L3MBTL4: variants seen among roughly 807,000 people sequenced by gnomAD.
L3MBTL4 encodes the protein lethal(3)malignant brain tumor-like protein 4.
L3MBTL4 carries 70 observed loss-of-function variants against 84.5 expected under a neutral mutation model. The ratio of observed to expected loss-of-function variants is 0.83; its 90% CI spans 0.68 to 1.01. The LOEUF (loss-of-function observed/expected upper bound fraction) is 1.01. Among genes scored for constraint, L3MBTL4 ranks in the 50% least tolerant of loss-of-function variants. The probability of loss-of-function intolerance (pLI) is 0.00; values close to 1 mark genes in which losing one functional copy is unlikely to be tolerated. For synonymous variants in L3MBTL4, 274 were observed against 259.8 expected (o/e 1.05, Z -0.52); for missense variants, 715 against 754.8 (o/e 0.95, Z 0.62).
rs1211458615 is a variant in L3MBTL4 at position 6,163,302 on chromosome 18, TGTGTGGGTGG to T, written c.1096+8516_1096+8525del. On this transcript the variant is annotated intron_variant, in intron 13 of 18. Transcript: ENST00000317931. The stretch of plus-strand genomic sequence containing the variant: ...GTGTGTGTGTGTGTGTGTGTGTGTG[TGTGTGGGTGG>T]GTGTGTATTTTTGCTTTCACAATAG... 7.1e-4 allele frequency among the ~76,000 whole-genome samples: 84 copies of T among 118,770 alleles called. 2 individuals are homozygous for T. The highest frequency in any genetic ancestry group is 2.8e-3 in the Admixed American group (31 of 11,220). The allele number at this position is 118,770 out of a possible 152,430, so 77.9% of individuals were successfully genotyped here.
chr18:6,139,937 T>C (rs1031849771), intron 13 of L3MBTL4, among the ~76,000 whole-genome samples: 5 of 152,172 alleles, frequency 3.3e-5, no homozygotes, highest in African/African-American at 9.7e-5. Context: ...TGTTCTGCTC[T>C]GTCCCAACTC....
chr18:6,322,075 G>A (rs2051432947), intron 1 of L3MBTL4, among the ~76,000 whole-genome samples: 1 of 152,056 alleles, frequency 6.6e-6, no homozygotes, highest in Admixed American at 6.6e-5. Context: ...AAGGAAATAA[G>A]GATGGGCATG....
At chr18:6,067,321 T>G (rs2057435913) in intron 16 of L3MBTL4, among the ~76,000 whole-genome samples, 1 of 152,182 alleles carries the variant, frequency 6.6e-6, no homozygotes, top group Non-Finnish European at 1.5e-5. Flanking sequence ...TTCCTTGAGT[T>G]TTCTGTATTT....
chr18:6,350,593 T>C (rs1344288512), intron 1 of L3MBTL4, among the ~76,000 whole-genome samples: 2 of 150,172 alleles, frequency 1.3e-5, no homozygotes, highest in Admixed American at 6.6e-5. Flanking sequence ...GATAAAGATG[T>C]GGAGAAGTGA....
chr18:6,244,531 T>C lies in L3MBTL4; in HGVS notation c.277A>G (p.Ile93Val), dbSNP rs1175919053. The C allele has an allele frequency of 1.9e-6, 3 of 1,614,070 alleles. No individual in the cohort carries two copies. The highest frequency in any genetic ancestry group is 1.1e-5 in the South Asian group (1 of 91,072). Reference protein sequence around the residue: ...GFQIGMRLEGIDPRHPSVFCV... With the variant: ...GFQIGMRLEGVDPRHPSVFCV... Reference sequence around the variant, plus strand: ...AATACCGATGGATGTCGGGGATCAATGCCTTCTAATCTCATTCCAATCTGA... The same window carrying C: ...AATACCGATGGATGTCGGGGATCAACGCCTTCTAATCTCATTCCAATCTGA... The change falls in exon 6 of 19, where the codon ATT (isoleucine) becomes GTT (valine). Residue 93 changes from isoleucine (I) to valine (V), a missense_variant. Ile to Val is a conservative substitution (Grantham distance 29). Transcript: ENST00000317931.
intron 1 of L3MBTL4, among the ~76,000 whole-genome samples, chr18:6,380,578 A>T (rs542337318): frequency 6.6e-6 from 1 of 152,130 alleles, no homozygotes; most frequent in Non-Finnish European, 1.5e-5. Flanking sequence ...TTATTTACCC[A>T]GTAGTCATTC....
chr18:6,264,060 C>G, intron 4 of L3MBTL4, 22 bp from the exon 5 acceptor site: 3 of 1,535,918 alleles, frequency 2.0e-6, no homozygotes, highest in Non-Finnish European at 2.7e-6. Context: ...AACACAATGA[C>G]TTTTCTCAAA....
intron 1 of L3MBTL4, among the ~76,000 whole-genome samples, chr18:6,321,069 C>T (rs770765789): frequency 2.6e-5 from 4 of 152,200 alleles, no homozygotes; most frequent in African/African-American, 7.2e-5. Flanking sequence ...TCGCCTTACA[C>T]AAAAATCAAC....
At chr18:6,282,713 G>A (rs78442706) in intron 4 of L3MBTL4, among the ~76,000 whole-genome samples, 1 of 152,124 alleles carries the variant, frequency 6.6e-6, no homozygotes, top group Non-Finnish European at 1.5e-5. Flanking sequence ...ACAGGATCAG[G>A]CTCATGTACT....
At chr18:6,067,959 G>T (rs2057453183) in intron 16 of L3MBTL4, among the ~76,000 whole-genome samples, 1 of 151,994 alleles carries the variant, frequency 6.6e-6, no homozygotes, top group South Asian at 2.1e-4. Context: ...ATTTGACTGT[G>T]TTTTTTTCTT....
At chr18:6,329,286 T>C (rs2051898706) in intron 1 of L3MBTL4, among the ~76,000 whole-genome samples, 1 of 151,630 alleles carries the variant, frequency 6.6e-6, no homozygotes, top group African/African-American at 2.4e-5. Context: ...CCCGAGTAGC[T>C]GGGACTACAG....
At chr18:5,968,563 G>A (rs1227127038) in intron 17 of L3MBTL4, among the ~76,000 whole-genome samples, 7 of 152,054 alleles carry the variant, frequency 4.6e-5, no homozygotes, top group Non-Finnish European at 1.0e-4. Flanking sequence ...TAGGTGTGGT[G>A]GCACATGCCT....
intron 1 of L3MBTL4, among the ~76,000 whole-genome samples, chr18:6,384,259 G>GCACA (rs752883010): frequency 2.6e-5 from 4 of 151,836 alleles, no homozygotes; most frequent in African/African-American, 9.7e-5. Context: ...AGAGGATTAT[G>GCACA]CACACACACA....
chr18:6,158,622 G>T (rs8098696), intron 13 of L3MBTL4, among the ~76,000 whole-genome samples: 1 of 152,224 alleles, frequency 6.6e-6, no homozygotes, highest in Non-Finnish European at 1.5e-5. Flanking sequence ...CATTGGAGTG[G>T]GCATCTATTT....
rs535282948 is a variant in L3MBTL4, at chr18:6,167,801, C to A, written c.1096+4027G>T. On this transcript the variant is annotated intron_variant, in intron 13 of 18. Coordinates refer to ENST00000317931, the MANE Select transcript of L3MBTL4 (RefSeq NM_001330559.2). ...GATGCCCTCTCTCACCACTCCTATT[C>A]AACATAGTATTGGAAGTTCTGGCCA... Among the ~76,000 whole-genome samples, 81 of 152,276 alleles carry A rather than the reference C, an allele frequency of 5.3e-4. 1 individual carries two copies. In the Middle Eastern group the frequency reaches 0.017, roughly 32 times the overall value.
intron 12 of L3MBTL4, among the ~76,000 whole-genome samples, chr18:6,194,145 T>G (rs913005204): frequency 1.3e-5 from 2 of 152,124 alleles, no homozygotes; most frequent in African/African-American, 4.8e-5. Context: ...TTGGAAAATT[T>G]TAGGTGCCAG....
At chr18:6,411,207 T>G (rs1431360805) in intron 1 of L3MBTL4, among the ~76,000 whole-genome samples, 1 of 152,238 alleles carries the variant, frequency 6.6e-6, no homozygotes, top group Non-Finnish European at 1.5e-5. Context: ...TTTATTTTGC[T>G]TAAGTACAAG....
chr18:6,393,499 T>G (rs150858021), intron 1 of L3MBTL4, among the ~76,000 whole-genome samples: 1 of 152,206 alleles, frequency 6.6e-6, no homozygotes, highest in Non-Finnish European at 1.5e-5. Flanking sequence ...ACCAACCGCA[T>G]GCAGACCTGT....
At chr18:6,287,128 T>A (rs566284485) in intron 4 of L3MBTL4, among the ~76,000 whole-genome samples, 2 of 152,316 alleles carry the variant, frequency 1.3e-5, no homozygotes, top group Admixed American at 1.3e-4. Context: ...GGCATTAAAC[T>A]GAATCACCTA....
Sources: gnomAD v4.1 joint callset for allele counts (sites outside exome capture counted in the v4.1 genomes callset) on GRCh38, gnomAD v4.1.1 for gene constraint, MANE v1.5 for transcripts, NCBI Gene and HGNC (gene_info 2026-07-23, HGNC 2026-07-21) for gene names.